Variants in PON1 observed in about 807,000 individuals in gnomAD.
PON1 encodes paraoxonase 1.
Under a neutral mutation model 39.2 loss-of-function variants are expected in PON1, and 37 were observed. The observed-to-expected ratio is 0.94, with a 90% CI of 0.73 to 1.24. PON1 has a LOEUF of 1.24. PON1 is among the 50% of genes most tolerant of loss of function. The pLI, the probability that PON1 is intolerant of heterozygous loss-of-function variation, is 0.00. For missense variants in PON1, 397 were observed against 413.5 expected, an observed-to-expected ratio of 0.96 and a Z score of 0.35; for synonymous variants, 148 against 152.2, an observed-to-expected ratio of 0.97 and a Z score of 0.21.
chr7:95,301,684 T>C lies in PON1; in HGVS notation c.909+521A>G, dbSNP rs1807425061. Among the ~76,000 whole-genome samples the C allele has an allele frequency of 2.0e-5, 3 of 152,082 alleles. No individual in the cohort carries two copies. In the South Asian group the frequency reaches 6.2e-4, roughly 31 times the overall value. On this transcript the variant is annotated intron_variant, in intron 8 of 8. Coordinates refer to ENST00000222381, the MANE Select transcript of PON1 (RefSeq NM_000446.7). ...TTAAACTCCCCTCAAATTATCCAAT[T>C]TAAGTGTGCCATGTGTTTCTTGCCT... is the stretch of plus-strand genomic sequence containing the variant.
At chr7:95,322,346 GTGTGTA>G (rs1356717259) in intron 1 of PON1, among the ~76,000 whole-genome samples, 63 of 135,996 alleles carry the variant, frequency 4.6e-4, no homozygotes, top group Non-Finnish European at 6.8e-4. Context: ...GTGTGTGTGT[GTGTGTA>G]TATATATATA....
intron 1 of PON1, among the ~76,000 whole-genome samples, chr7:95,319,529 C>T (rs3917490): frequency 0.53 from 80,432 of 151,798 alleles, 22,008 homozygotes; most frequent in East Asian, 0.96. Flanking sequence ...GAGTAAAGAG[C>T]CACCAGTCTA....
chr7:95,310,722 T>G (rs1473905490), intron 5 of PON1, among the ~76,000 whole-genome samples: 1 of 152,216 alleles, frequency 6.6e-6, no homozygotes, highest in Non-Finnish European at 1.5e-5. Flanking sequence ...ATGGAGGTAG[T>G]CAAATGCTGT....
intron 8 of PON1, 112 bp from the exon 9 acceptor site, chr7:95,299,214 A>T: frequency 1.7e-6 from 2 of 1,198,812 alleles, no homozygotes; most frequent in Non-Finnish European, 1.2e-6. Context: ...CAATGAGATA[A>T]ATCCTATTTT....
chr7:95,302,123 C>CAAAAAAAA lies in PON1; in HGVS notation c.909+81_909+82insTTTTTTTT, dbSNP rs1198986302. Reference sequence around the variant, plus strand: ...AAAAAAAAAAAAAAAAAAAAAAAACCAAGAATTGAGAATTATGTTGTCAAC... The same window carrying CAAAAAAAA: ...AAAAAAAAAAAAAAAAAAAAAAAACCAAAAAAAAAAGAATTGAGAATTATGTTGTCAAC... On this transcript the variant is annotated intron_variant, in intron 8 of 8. Transcript: ENST00000222381. The CAAAAAAAA allele has an allele frequency of 1.3e-5, 6 of 460,332 alleles. No individual in the cohort carries two copies. The African/African-American group carries it at 1.9e-4, about 15-fold the overall frequency. The allele number at this position is 460,332 out of a possible 1,614,324, so 28.5% of individuals were successfully genotyped here.
chr7:95,306,168 G>A (rs1210579690), intron 7 of PON1, 117 bp downstream of exon 7: 1 of 853,054 alleles, frequency 1.2e-6, no homozygotes, highest in Non-Finnish European at 2.0e-6. Context: ...ATAAAGGAGT[G>A]AAAAATTGGT....
intron 8 of PON1, among the ~76,000 whole-genome samples, chr7:95,299,704 T>C (rs1031477483): frequency 1.3e-5 from 2 of 152,068 alleles, no homozygotes; most frequent in African/African-American, 4.8e-5. Context: ...GACTCCAAAT[T>C]CTTCAGTTTT....
At chr7:95,318,500 G>T in intron 1 of PON1, 107 bp from the exon 2 acceptor site, 1 of 1,003,920 alleles carries the variant, frequency 1.0e-6, no homozygotes, top group Non-Finnish European at 1.5e-6. Context: ...CTTTGCCTGA[G>T]TTTCAACTCC....
intron 1 of PON1, among the ~76,000 whole-genome samples, chr7:95,319,761 A>T (rs3917488): frequency 2.0e-5 from 3 of 152,202 alleles, no homozygotes; most frequent in African/African-American, 4.8e-5. Context: ...GTGATAAAGC[A>T]GTGGCTTACA....
intron 1 of PON1, among the ~76,000 whole-genome samples, chr7:95,321,388 G>C (rs1052335790): frequency 2.0e-5 from 3 of 152,148 alleles, no homozygotes; most frequent in Non-Finnish European, 4.4e-5. Flanking sequence ...TAAGAAATCC[G>C]TATCGATTCT....
chr7:95,304,969 T>A (rs762578377), intron 7 of PON1, among the ~76,000 whole-genome samples: 12 of 152,212 alleles, frequency 7.9e-5, no homozygotes, highest in Non-Finnish European at 1.8e-4. Flanking sequence ...TCTTTAACTT[T>A]TGTTTTACAG....
At chr7:95,323,478 A>G (rs1031356703) in intron 1 of PON1, among the ~76,000 whole-genome samples, 1 of 152,134 alleles carries the variant, frequency 6.6e-6, no homozygotes, top group Non-Finnish European at 1.5e-5. Context: ...GTAAGCTTCT[A>G]ATTAGTCCAT....
chr7:95,306,039 A>C (rs1272169974), intron 7 of PON1, among the ~76,000 whole-genome samples: 1 of 152,180 alleles, frequency 6.6e-6, no homozygotes, highest in African/African-American at 2.4e-5. Flanking sequence ...TGCCAAGCTT[A>C]AAATTTGCTA....
chr7:95,320,352 T>C (rs1356663841), intron 1 of PON1, among the ~76,000 whole-genome samples: 3 of 152,148 alleles, frequency 2.0e-5, no homozygotes, highest in East Asian at 1.9e-4. Flanking sequence ...CTGGAAAACA[T>C]AGAATAATCA....
chr7:95,315,412 C>A lies in PON1; in HGVS notation c.280G>T (p.Asp94Tyr). The change falls in exon 4 of 9, where the codon GAT (aspartate) becomes TAT (tyrosine). Residue 94 changes from aspartate to tyrosine, a missense_variant. Transcript: ENST00000222381. ...ATCCCCAATTCCAACACTGTTGGAT[C>A]TTCTTCATTCAGGTCCATCAGAAGT... is the stretch of plus-strand genomic sequence containing the variant. ...KILLMDLNEE[D>Y]PTVLELGITG... 6.2e-7 allele frequency: 1 copy of A among 1,613,314 alleles called. No homozygotes were observed. Among genetic ancestry groups the A allele is most frequent in the East Asian group, 2.2e-5 (1 of 44,882 alleles).
rs1377124802 is a variant in PON1 at position 95,302,090 on chromosome 7, C to CT, written c.909+114dup. The stretch of plus-strand genomic sequence containing the variant: ...CCAGCCTGGGCGACAGAGCGATACT[C>CT]TGTCACAAAAAAAAAAAAAAAAAAA... On this transcript the variant is annotated intron_variant, in intron 8 of 8. Coordinates refer to ENST00000222381, the MANE Select transcript of PON1 (RefSeq NM_000446.7). 29 of 847,842 alleles carry CT rather than the reference C, an allele frequency of 3.4e-5. No homozygotes were observed. In the African/African-American group the frequency reaches 9.3e-4, roughly 27 times the overall value. The allele number at this position is 847,842 out of a possible 1,614,324, so 52.5% of individuals were successfully genotyped here. A position where few individuals can be genotyped will look rare whatever the true frequency, so the allele number is the denominator to read the frequency against.
At chr7:95,318,630 T>A (rs1209787952) in intron 1 of PON1, 11 of 468,292 alleles carry the variant, frequency 2.3e-5, no homozygotes, top group Non-Finnish European at 4.3e-5. Flanking sequence ...ATACATAATA[T>A]CCTCTCTAGG....
At chr7:95,316,208 A>G (rs935308183) in intron 3 of PON1, among the ~76,000 whole-genome samples, 3 of 152,190 alleles carry the variant, frequency 2.0e-5, no homozygotes, top group African/African-American at 4.8e-5. Flanking sequence ...GTTTTGCACT[A>G]TATCAGCTAC....
At chr7:95,314,336 G>A (rs1807719047) in intron 4 of PON1, among the ~76,000 whole-genome samples, 1 of 151,740 alleles carries the variant, frequency 6.6e-6, no homozygotes, top group African/African-American at 2.4e-5. Flanking sequence ...CTCCAGCCTG[G>A]GAGAGAGCAA....
Sources: gnomAD v4.1 joint callset for allele counts (sites outside exome capture counted in the v4.1 genomes callset) on GRCh38, gnomAD v4.1.1 for gene constraint, MANE v1.5 for transcripts, NCBI Gene and HGNC (gene_info 2026-07-23, HGNC 2026-07-21) for gene names.